The following ZNF280D variants were observed in gnomAD, a reference collection of about 807,000 sequenced individuals.
ZNF280D encodes suppressor of hairy wing homolog 4.
Under a neutral mutation model 94.7 loss-of-function variants are expected in ZNF280D, and 39 were observed. That is an observed-to-expected ratio of 0.41 (90% confidence interval 0.32 to 0.54). The LOEUF (loss-of-function observed/expected upper bound fraction) is 0.54. ZNF280D is among the 20% of genes least tolerant of loss of function. ZNF280D has a pLI of 0.22. For synonymous variants in ZNF280D, 398 were observed against 377.6 expected, an observed-to-expected ratio of 1.05 and a Z score of -0.63; for missense variants, 1,090 against 1,149.3, an observed-to-expected ratio of 0.95 and a Z score of 0.75.
chr15:56,633,450 CAAT>C, intron 21 of ZNF280D, among the ~76,000 whole-genome samples: 1 of 151,798 alleles, frequency 6.6e-6, no homozygotes, highest in East Asian at 1.9e-4. Flanking sequence ...CTCATTAAAA[CAAT>C]GTTTAAAATA....
intron 1 of ZNF280D, chr15:56,730,462 G>A (rs1230854699): frequency 6.6e-6 from 1 of 152,180 alleles, no homozygotes; most frequent in Non-Finnish European, 1.5e-5. Context: ...CTATTTCAGT[G>A]AGCCAATGCT....
At chr15:56,673,500 G>T (rs1044580163) in intron 13 of ZNF280D, among the ~76,000 whole-genome samples, 2 of 151,924 alleles carry the variant, frequency 1.3e-5, no homozygotes, top group East Asian at 3.9e-4. Flanking sequence ...CCACTTACCT[G>T]GACTACTATA....
At chr15:56,659,204 T>C (rs1447100001) in intron 16 of ZNF280D, among the ~76,000 whole-genome samples, 3 of 133,626 alleles carry the variant, frequency 2.2e-5, no homozygotes, top group African/African-American at 8.2e-5. Flanking sequence ...AAAAAGGAAC[T>C]CATGAGTTAA....
In ZNF280D at chr15:56,700,824, A is replaced by G. The variant is rs527236862; in HGVS notation, c.381+109T>C. ...ATTTTCTGATGCTAACTATGCTTCT[A>G]CTGGATGACTACTTATGACAGTCCA... On this transcript the variant is annotated intron_variant, in intron 6 of 21. Coordinates refer to ENST00000267807, the MANE Select transcript of ZNF280D (RefSeq NM_017661.4). 1.0e-5 allele frequency: 16 copies of G among 1,590,774 alleles called. No homozygotes were observed. In the South Asian group the frequency reaches 1.6e-4, roughly 16 times the overall value.
chr15:56,663,154 A>G (rs1289073127), intron 16 of ZNF280D, among the ~76,000 whole-genome samples: 1 of 151,490 alleles, frequency 6.6e-6, no homozygotes, highest in Admixed American at 6.6e-5. Flanking sequence ...ATGGTAGTGC[A>G]TGCCTGTAAG....
At chr15:56,666,328 G>T in intron 16 of ZNF280D, 67 bp downstream of exon 16, 1 of 1,556,186 alleles carries the variant, frequency 6.4e-7, no homozygotes, top group Non-Finnish European at 8.7e-7. Flanking sequence ...GGATAACTTT[G>T]TTTTTGAAAC....
chr15:56,654,311 GA>G, intron 18 of ZNF280D, 73 bp downstream of exon 18: 2 of 1,599,010 alleles, frequency 1.3e-6, no homozygotes, highest in Non-Finnish European at 1.7e-6. Flanking sequence ...TTAGTAAAGA[GA>G]CCATATTGTG....
chr15:56,670,009 A>ATTATATAATATATAAT, intron 13 of ZNF280D, among the ~76,000 whole-genome samples: 1 of 2,978 alleles, frequency 3.4e-4, no homozygotes, highest in Non-Finnish European at 4.8e-4. Context: ...ATATATATAT[A>ATTATATAATATATAAT]ATATATATAT....
intron 1 of ZNF280D, among the ~76,000 whole-genome samples, chr15:56,719,790 T>C (rs935005378): frequency 6.8e-6 from 1 of 147,414 alleles, no homozygotes; most frequent in Non-Finnish European, 1.5e-5. Context: ...TCAGTGAATA[T>C]AAAAGTTAGG....
intron 13 of ZNF280D, among the ~76,000 whole-genome samples, chr15:56,671,955 G>A (rs1685676032): frequency 6.6e-6 from 1 of 152,014 alleles, no homozygotes; most frequent in African/African-American, 2.4e-5. Flanking sequence ...GTGAAGGGGA[G>A]TTCATTCATG....
chr15:56,661,592 G>C (rs1192608215), intron 16 of ZNF280D, among the ~76,000 whole-genome samples: 1 of 151,950 alleles, frequency 6.6e-6, no homozygotes, highest in Non-Finnish European at 1.5e-5. Context: ...TTTTTCCTTG[G>C]AAATTTTAAA....
intron 19 of ZNF280D, among the ~76,000 whole-genome samples, chr15:56,647,906 G>A (rs1414802769): frequency 1.3e-5 from 2 of 152,078 alleles, no homozygotes; most frequent in African/African-American, 4.8e-5. Context: ...AATACACTTT[G>A]TTATTTTTCA....
intron 1 of ZNF280D, among the ~76,000 whole-genome samples, chr15:56,712,536 G>C (rs1384844242): frequency 7.4e-5 from 10 of 134,832 alleles, no homozygotes; most frequent in African/African-American, 2.2e-4. Context: ...TGAGGCTGCA[G>C]TGAGCCGAGA....
chr15:56,634,275 A>G (rs1188474949), intron 21 of ZNF280D: 2 of 89,390 alleles, frequency 2.2e-5, no homozygotes, highest in East Asian at 6.3e-4. Context: ...CTGGTCAATT[A>G]CATATGGAAA....
intron 1 of ZNF280D, chr15:56,730,286 A>C (rs1250633838): frequency 6.6e-6 from 1 of 152,232 alleles, no homozygotes; most frequent in Non-Finnish European, 1.5e-5. Flanking sequence ...TCCTTTCTAA[A>C]GCAAGAAAAA....
chr15:56,733,488 C>A lies in ZNF280D; in HGVS notation c.-116G>T, dbSNP rs1253528461. On this transcript the variant is annotated 5_prime_UTR_variant, in exon 1 of 22. Transcript: ENST00000267807. ...GCGGAGCGGATCGGCCTGACTGGAG[C>A]CCTGAGGAGGAGGAGAAAGAGGAGG... is the stretch of plus-strand genomic sequence containing the variant. 2.6e-6 allele frequency: 3 copies of A among 1,135,312 alleles called. No individual in the cohort carries two copies. The highest frequency in any genetic ancestry group is 3.3e-6 in the Non-Finnish European group (3 of 915,192). The allele number at this position is 1,135,312 out of a possible 1,614,324, so 70.3% of individuals were successfully genotyped here.
intron 16 of ZNF280D, among the ~76,000 whole-genome samples, chr15:56,664,238 G>C (rs1481488552): frequency 6.6e-6 from 1 of 152,022 alleles, no homozygotes; most frequent in Non-Finnish European, 1.5e-5. Context: ...ATACTCAAAA[G>C]GTAAAGAAAT....
At chr15:56,632,597 G>A (rs1464830960) in intron 21 of ZNF280D, among the ~76,000 whole-genome samples, 1 of 148,830 alleles carries the variant, frequency 6.7e-6, no homozygotes, top group Non-Finnish European at 1.5e-5. Flanking sequence ...CTGGGCTCAA[G>A]TGATCCTCCC....
intron 4 of ZNF280D, among the ~76,000 whole-genome samples, chr15:56,703,278 G>A (rs1371607821): frequency 6.6e-6 from 1 of 152,114 alleles, no homozygotes; most frequent in Non-Finnish European, 1.5e-5. Flanking sequence ...TGTAGACAGC[G>A]CCATTCTCTT....
Sources: gnomAD v4.1 joint callset for allele counts (sites outside exome capture counted in the v4.1 genomes callset) on GRCh38, gnomAD v4.1.1 for gene constraint, MANE v1.5 for transcripts, NCBI Gene and HGNC (gene_info 2026-07-23, HGNC 2026-07-21) for gene names.